MACROD2: variants seen among roughly 807,000 people sequenced by gnomAD.
MACROD2 encodes the protein mono-ADP ribosylhydrolase 2.
A neutral mutation model predicts 70.4 loss-of-function variants in MACROD2; 36 were observed. The ratio of observed to expected loss-of-function variants is 0.51; its 90% CI spans 0.39 to 0.68. The LOEUF (loss-of-function observed/expected upper bound fraction) is 0.68. Ranked by LOEUF, MACROD2 falls within the 30% of genes least tolerant of loss-of-function variation. The pLI is 0.00. For synonymous variants in MACROD2, 172 were observed against 178.8 expected (o/e 0.96, Z 0.30); for missense variants, 496 against 538.4 (o/e 0.92, Z 0.78).
chr20:14,249,205 T>C (rs1445525054), intron 3 of MACROD2, among the ~76,000 whole-genome samples: 1 of 146,660 alleles, frequency 6.8e-6, no homozygotes, highest in East Asian at 2.2e-4. Flanking sequence ...TAAAATACTA[T>C]AATTTGCCAC....
intron 5 of MACROD2, among the ~76,000 whole-genome samples, chr20:14,931,132 T>C (rs1368846101): frequency 6.6e-6 from 1 of 152,078 alleles, no homozygotes; most frequent in Non-Finnish European, 1.5e-5. Flanking sequence ...CAGAATAAAA[T>C]TTAGGAAGCA....
intron 6 of MACROD2, among the ~76,000 whole-genome samples, chr20:15,338,640 T>TATC (rs1324410279): frequency 6.6e-6 from 1 of 151,536 alleles, no homozygotes; most frequent in East Asian, 1.9e-4. Flanking sequence ...CTCCATAAAG[T>TATC]ATTATTATTA....
chr20:14,298,803 GA>G (rs764968449), intron 3 of MACROD2, among the ~76,000 whole-genome samples: 3 of 149,202 alleles, frequency 2.0e-5, no homozygotes, highest in African/African-American at 7.6e-5. Context: ...GATTTCAGGG[GA>G]GAAAGTCACT....
At chr20:14,150,582 G>C (rs974232717) in intron 3 of MACROD2, among the ~76,000 whole-genome samples, 1 of 152,212 alleles carries the variant, frequency 6.6e-6, no homozygotes, top group African/African-American at 2.4e-5. Flanking sequence ...AGAAGGGATT[G>C]ATTATCTCTC....
chr20:15,919,671 G>T (rs980201766), intron 10 of MACROD2, among the ~76,000 whole-genome samples: 3 of 152,150 alleles, frequency 2.0e-5, no homozygotes, highest in Non-Finnish European at 4.4e-5. Flanking sequence ...GGAGACGGAG[G>T]TTGCAGTGAG....
intron 5 of MACROD2, among the ~76,000 whole-genome samples, chr20:14,958,859 T>A (rs1440056635): frequency 6.6e-6 from 1 of 152,132 alleles, no homozygotes; most frequent in African/African-American, 2.4e-5. Context: ...GGGGTGGGGC[T>A]TGAAAATTTG....
At chr20:15,405,039 A>G (rs1052756085) in intron 6 of MACROD2, among the ~76,000 whole-genome samples, 1 of 152,206 alleles carries the variant, frequency 6.6e-6, no homozygotes, top group Non-Finnish European at 1.5e-5. Flanking sequence ...ACAAAATACC[A>G]CATAGTGTAT....
chr20:15,494,366 A>T (rs2047267510), intron 7 of MACROD2, among the ~76,000 whole-genome samples: 1 of 152,152 alleles, frequency 6.6e-6, no homozygotes, highest in Non-Finnish European at 1.5e-5. Flanking sequence ...CCACCAAGAC[A>T]TGTATGAGAA....
intron 6 of MACROD2, among the ~76,000 whole-genome samples, chr20:15,305,182 C>T (rs2077685599): frequency 6.6e-6 from 1 of 152,064 alleles, no homozygotes; most frequent in African/African-American, 2.4e-5. Flanking sequence ...CTCATCTGTT[C>T]ATACTTTATA....
rs536294420 is a variant in MACROD2 at position 15,172,604 on chromosome 20, C to A, written c.419-57336C>A. ...TGTTTTAATTTTGTAGAGATGGGATCTCACTATATTTCCCTGGCTGGTCTT... is the reference window on the plus strand; with the variant it reads ...TGTTTTAATTTTGTAGAGATGGGATATCACTATATTTCCCTGGCTGGTCTT... On this transcript the variant is annotated intron_variant, in intron 5 of 17. Transcript: ENST00000684519. Among the ~76,000 whole-genome samples, 9 of 152,096 alleles carry A rather than the reference C, an allele frequency of 5.9e-5. No homozygotes were observed. The East Asian group carries it at 1.7e-3, about 29-fold the overall frequency.
At chr20:15,966,454 G>A (rs115502873) in intron 12 of MACROD2, among the ~76,000 whole-genome samples, 2,488 of 152,262 alleles carry the variant, frequency 0.016, 65 homozygotes, top group African/African-American at 0.057. Flanking sequence ...ATCAAGTACA[G>A]TGTCTGGGCA....
chr20:15,873,140 T>C (rs1365412764), intron 9 of MACROD2, among the ~76,000 whole-genome samples: 1 of 152,204 alleles, frequency 6.6e-6, no homozygotes, highest in Non-Finnish European at 1.5e-5. Context: ...TCAAAATATA[T>C]GCAAAACCAA....
Position 15,898,564 on chromosome 20 carries a change from A to C in MACROD2, c.775+12753A>C, listed in dbSNP as rs73614488. On this transcript the variant is annotated intron_variant, in intron 10 of 17. Coordinates refer to ENST00000684519, the MANE Select transcript of MACROD2 (RefSeq NM_001351661.2). The stretch of plus-strand genomic sequence containing the variant: ...AGACTCAGTCTAAAAAAAAAAAAAA[A>C]AAAAAACAAATTCTAGGTTCACGTC... Among the ~76,000 whole-genome samples, 571 of 151,324 alleles carry C rather than the reference A, an allele frequency of 3.8e-3. 2 individuals carry two copies. The highest frequency in any genetic ancestry group is 0.023 in the South Asian group (111 of 4,768).
chr20:15,071,246 C>A (rs1238730678), intron 5 of MACROD2, among the ~76,000 whole-genome samples: 1 of 152,176 alleles, frequency 6.6e-6, no homozygotes, highest in East Asian at 1.9e-4. Flanking sequence ...GTTGTTAAAG[C>A]AAGTTGGAAT....
At chr20:15,011,850 C>G (rs1371538388) in intron 5 of MACROD2, among the ~76,000 whole-genome samples, 1 of 152,152 alleles carries the variant, frequency 6.6e-6, no homozygotes, top group African/African-American at 2.4e-5. Flanking sequence ...TGTGGCCTTT[C>G]CAACTCTGGC....
chr20:15,154,509 C>A (rs2076293070), intron 5 of MACROD2, among the ~76,000 whole-genome samples: 1 of 152,192 alleles, frequency 6.6e-6, no homozygotes, highest in African/African-American at 2.4e-5. Flanking sequence ...TAACAAAGTA[C>A]CATAAACTGG....
intron 6 of MACROD2, among the ~76,000 whole-genome samples, chr20:15,274,840 T>C (rs1215418634): frequency 6.6e-6 from 1 of 152,220 alleles, no homozygotes; most frequent in African/African-American, 2.4e-5. Flanking sequence ...GAGAATGTTC[T>C]GAGTTTTTAA....
intron 3 of MACROD2, among the ~76,000 whole-genome samples, chr20:14,391,135 A>C (rs2083522089): frequency 6.6e-6 from 1 of 152,196 alleles, no homozygotes. Flanking sequence ...CATACTCCCC[A>C]AAATATCAGT....
At chr20:14,203,743 G>A (rs1001174675) in intron 3 of MACROD2, among the ~76,000 whole-genome samples, 5 of 152,226 alleles carry the variant, frequency 3.3e-5, no homozygotes, top group African/African-American at 1.2e-4. Context: ...AGGAATGCCA[G>A]GTGGGCTGGT....
Sources: allele counts gnomAD v4.1 joint callset (sites outside exome capture counted in the v4.1 genomes callset), GRCh38; gene constraint gnomAD v4.1.1; transcripts MANE v1.5; gene names NCBI Gene and HGNC (gene_info 2026-07-23, HGNC 2026-07-21).